STAG1: variants seen among roughly 807,000 people sequenced by gnomAD.
STAG1 encodes cohesin subunit SA-1.
In STAG1, 26 loss-of-function variants were observed where a neutral mutation model predicts 170.9. The observed-to-expected ratio is 0.15, with a 90% CI of 0.11 to 0.21. The LOEUF (loss-of-function observed/expected upper bound fraction) is 0.21. STAG1 is among the 10% of genes least tolerant of loss of function. The pLI, the probability that STAG1 is intolerant of heterozygous loss-of-function variation, is 1.00. For missense variants in STAG1, 964 were observed against 1,509.5 expected (o/e 0.64, Z 5.99); for synonymous variants, 514 against 497.7 (o/e 1.03, Z -0.44).
At position 136,464,939 on chromosome 3, in the gene STAG1, A is replaced by C. The variant is rs1483103504; in HGVS notation, c.1255T>G (p.Leu419Val). The change falls in exon 13 of 34, where the codon TTG becomes GTG. Residue 419 changes from leucine to valine, a missense_variant. Physicochemically the swap from Leu to Val is conservative, Grantham distance 32 (BLOSUM62 1). This residue lies in a region of STAG1 where 162 missense variants were observed against 211.2 expected (regional missense o/e 0.77). Coordinates refer to ENST00000383202, the MANE Select transcript of STAG1 (RefSeq NM_005862.3). ...ACAGGGCGATGTGCCGAGTACACCA[A>C]GTGGTAAACATTTTCACAGTCTTCA... ...SNEDCENVYHLVYSAHRPVAV... is the reference protein window; with the variant it reads ...SNEDCENVYHVVYSAHRPVAV... 1.2e-6 allele frequency: 2 copies of C among 1,612,764 alleles called. No individual in the cohort carries two copies. The highest frequency in any genetic ancestry group is 1.7e-5 in the Admixed American group (1 of 59,782).
chr3:136,478,136 G>C (rs1371532079), intron 9 of STAG1, among the ~76,000 whole-genome samples: 1 of 152,198 alleles, frequency 6.6e-6, no homozygotes, highest in Non-Finnish European at 1.5e-5. Context: ...TGAATTAAAA[G>C]AAAAAGCCCA....
At chr3:136,658,709 G>T (rs1941474401) in intron 1 of STAG1, among the ~76,000 whole-genome samples, 1 of 152,158 alleles carries the variant, frequency 6.6e-6, no homozygotes, top group Non-Finnish European at 1.5e-5. Flanking sequence ...AATTTCATCT[G>T]AATTATAAAT....
intron 4 of STAG1, among the ~76,000 whole-genome samples, chr3:136,578,823 C>G (rs73863630): frequency 6.6e-6 from 1 of 152,080 alleles, no homozygotes; most frequent in Non-Finnish European, 1.5e-5. Flanking sequence ...GTTATTTCCC[C>G]ACTTCCAGAA....
At chr3:136,670,858 T>C (rs993112282) in intron 1 of STAG1, among the ~76,000 whole-genome samples, 1 of 152,204 alleles carries the variant, frequency 6.6e-6, no homozygotes, top group African/African-American at 2.4e-5. Flanking sequence ...TGACACCACC[T>C]GAGATTTCAA....
intron 1 of STAG1, among the ~76,000 whole-genome samples, chr3:136,631,893 C>T (rs150821347): frequency 6.6e-6 from 1 of 151,918 alleles, no homozygotes; most frequent in Non-Finnish European, 1.5e-5. Context: ...GAAGAATGTT[C>T]AAAAAATCAT....
intron 6 of STAG1, among the ~76,000 whole-genome samples, chr3:136,540,258 C>G (rs1935826818): frequency 6.6e-6 from 1 of 151,062 alleles, no homozygotes; most frequent in African/African-American, 2.4e-5. Flanking sequence ...CCTCAAATAT[C>G]TAGTAAGTAT....
At chr3:136,632,853 C>G (rs1940384691) in intron 1 of STAG1, among the ~76,000 whole-genome samples, 1 of 152,072 alleles carries the variant, frequency 6.6e-6, no homozygotes, top group African/African-American at 2.4e-5. Context: ...TGCAAAAATA[C>G]TTCCGCAAAG....
At chr3:136,737,237 C>A (rs558823302) in intron 1 of STAG1, 8 of 642,556 alleles carry the variant, frequency 1.2e-5, no homozygotes, top group Non-Finnish European at 2.3e-5. Flanking sequence ...ACTTCCCCAG[C>A]CCAGCCACCA....
In STAG1 at chr3:136,336,576, C is replaced by G. The variant is rs971936972; in HGVS notation, c.*1678G>C. The G allele has an allele frequency of 6.6e-6, 1 of 152,246 alleles. No individual in the cohort carries two copies. The highest frequency in any genetic ancestry group is 2.4e-5 in the African/African-American group (1 of 41,460). 9.4% of individuals were successfully genotyped at this position (152,246 alleles called of 1,614,324 possible). ...GGCAGGCAGGGCTGGGGTGGACAGT[C>G]CAGTCATTCCTGCACCTTCACTTCC... On this transcript the variant is annotated 3_prime_UTR_variant, in exon 34 of 34. Coordinates refer to ENST00000383202, the MANE Select transcript of STAG1 (RefSeq NM_005862.3).
chr3:136,734,308 G>A (rs191248981), intron 1 of STAG1, among the ~76,000 whole-genome samples: 46 of 152,176 alleles, frequency 3.0e-4, no homozygotes, highest in Admixed American at 2.9e-3. Context: ...CCTCAAAGGA[G>A]AGAACCATGT....
intron 6 of STAG1, among the ~76,000 whole-genome samples, chr3:136,531,907 TAA>T (rs58322006): frequency 0.011 from 972 of 90,290 alleles, 7 homozygotes; most frequent in African/African-American, 0.029. Context: ...ACTTAAAGTA[TAA>T]AAAAAAAAAA....
intron 28 of STAG1, among the ~76,000 whole-genome samples, chr3:136,350,464 C>G (rs1286817523): frequency 6.6e-6 from 1 of 152,172 alleles, no homozygotes; most frequent in Non-Finnish European, 1.5e-5. Flanking sequence ...TGGGGTAAAA[C>G]ACTACCCTGG....
intron 4 of STAG1, among the ~76,000 whole-genome samples, chr3:136,571,053 A>G (rs1371538968): frequency 6.6e-6 from 1 of 152,236 alleles, no homozygotes. Context: ...AGCAACTTTT[A>G]GACTCAGGAC....
intron 1 of STAG1, among the ~76,000 whole-genome samples, chr3:136,746,565 T>C (rs556847237): frequency 6.6e-6 from 1 of 152,210 alleles, no homozygotes; most frequent in Non-Finnish European, 1.5e-5. Context: ...AATATTTTGC[T>C]TCTTGGACTG....
chr3:136,670,290 G>C (rs542677071), intron 1 of STAG1, among the ~76,000 whole-genome samples: 18 of 152,284 alleles, frequency 1.2e-4, no homozygotes, highest in African/African-American at 4.3e-4. Flanking sequence ...AAGGTCACAA[G>C]TGACAATGCC....
chr3:136,457,921 C>T (rs954221093), intron 13 of STAG1, among the ~76,000 whole-genome samples: 3 of 152,024 alleles, frequency 2.0e-5, no homozygotes, highest in African/African-American at 7.2e-5. Flanking sequence ...CATGGCAAAA[C>T]TCTTGTCTCT....
intron 4 of STAG1, among the ~76,000 whole-genome samples, chr3:136,593,725 G>A (rs990815482): frequency 6.6e-6 from 1 of 152,104 alleles, no homozygotes; most frequent in African/African-American, 2.4e-5. Context: ...TAAATGTTTA[G>A]AATATTATAT....
intron 1 of STAG1, among the ~76,000 whole-genome samples, chr3:136,664,240 T>G (rs1941678528): frequency 6.6e-6 from 1 of 152,200 alleles, no homozygotes; most frequent in South Asian, 2.1e-4. Context: ...GAATTTTTCT[T>G]TAGTTATAGA....
chr3:136,428,343 C>T (rs905018128), intron 16 of STAG1, among the ~76,000 whole-genome samples: 1 of 152,200 alleles, frequency 6.6e-6, no homozygotes, highest in Non-Finnish European at 1.5e-5. Context: ...GATTGGTTTA[C>T]ACTGACGCTG....
Sources: allele counts gnomAD v4.1 joint callset (sites outside exome capture counted in the v4.1 genomes callset), GRCh38; gene constraint gnomAD v4.1.1; regional missense constraint gnomAD v4.1.1; transcripts MANE v1.5; gene names NCBI Gene and HGNC (gene_info 2026-07-23, HGNC 2026-07-21).